IP6K1: variants seen among roughly 807,000 people sequenced by gnomAD.
IP6K1 encodes inositol hexakisphosphate kinase 1, also known as ATP:1D-myo-inositol-hexakisphosphate phosphotransferase.
In IP6K1, 13 loss-of-function variants were observed where a neutral mutation model predicts 38.3. The observed-to-expected ratio is 0.34, with a 90% CI of 0.22 to 0.54. The LOEUF (loss-of-function observed/expected upper bound fraction) is 0.54, where lower values mean the gene tolerates loss of function less well. Among genes scored for constraint, IP6K1 ranks in the 20% least tolerant of loss-of-function variants. IP6K1 has a pLI of 0.92. For synonymous variants in IP6K1, 212 were observed against 229.9 expected (o/e 0.92, Z 0.70); for missense variants, 397 against 599.8 (o/e 0.66, Z 3.53).
chr3:49,771,982 AGAGG>A (rs1186253538), intron 1 of IP6K1, among the ~76,000 whole-genome samples: 1 of 152,084 alleles, frequency 6.6e-6, no homozygotes, highest in African/African-American at 2.4e-5. Context: ...GCGAGGCCAA[AGAGG>A]GAGGATCGCT....
chr3:49,752,204 T>C (rs2080783194), intron 1 of IP6K1, among the ~76,000 whole-genome samples: 2 of 151,874 alleles, frequency 1.3e-5, no homozygotes, highest in South Asian at 4.2e-4. Context: ...AAAGACAGGG[T>C]TGGCCGGGTG....
intron 1 of IP6K1, among the ~76,000 whole-genome samples, chr3:49,774,407 CAAAAAAAAAAAAAAA>C (rs777187857): frequency 2.3e-5 from 1 of 44,302 alleles, no homozygotes; most frequent in South Asian, 1.3e-3. Context: ...GACTCCATCT[CAAAAAAAAAAAAAAA>C]AAAAAAAGAA....
chr3:49,763,468 G>T (rs1191315198), intron 1 of IP6K1, among the ~76,000 whole-genome samples: 1 of 152,040 alleles, frequency 6.6e-6, no homozygotes, highest in South Asian at 2.1e-4. Context: ...TAAGAAAAAA[G>T]ATTTTAGAAC....
At chr3:49,761,613 CA>C (rs71080551) in intron 1 of IP6K1, among the ~76,000 whole-genome samples, 45,489 of 91,882 alleles carry the variant, frequency 0.5, 7,708 homozygotes, top group African/African-American at 0.56. Flanking sequence ...GACTCCGTCT[CA>C]AAAAAAAAAA....
chr3:49,774,512 C>G (rs1164458002), intron 1 of IP6K1, among the ~76,000 whole-genome samples: 1 of 148,184 alleles, frequency 6.7e-6, no homozygotes, highest in East Asian at 2.0e-4. Context: ...TTATTACTAA[C>G]AAGACAAAAA....
intron 3 of IP6K1, 51 bp downstream of exon 3, chr3:49,738,161 T>G: frequency 2.8e-6 from 4 of 1,431,106 alleles, no homozygotes; most frequent in Non-Finnish European, 3.9e-6. Context: ...GTCAGGACTA[T>G]GGAGACGTCT....
chr3:49,756,655 T>C (rs1194280296), intron 1 of IP6K1, among the ~76,000 whole-genome samples: 2 of 151,670 alleles, frequency 1.3e-5, no homozygotes, highest in African/African-American at 4.8e-5. Flanking sequence ...CTGTCTCTAC[T>C]AATACAAAAA....
chr3:49,772,002 C>A (rs1392207167), intron 1 of IP6K1, among the ~76,000 whole-genome samples: 5 of 151,856 alleles, frequency 3.3e-5, no homozygotes, highest in African/African-American at 4.8e-5. Flanking sequence ...TCGCTTGAGC[C>A]CAAGAGTTTG....
chr3:49,731,887 C>CAAAAAAAAAAAAAATAAAAAAAAAAA, intron 4 of IP6K1, among the ~76,000 whole-genome samples: 1 of 65,342 alleles, frequency 1.5e-5, no homozygotes, highest in Non-Finnish European at 2.9e-5. Context: ...GACTCTGTCT[C>CAAAAAAAAAAAAAATAAAAAAAAAAA]AAAAAAAAAA....
At chr3:49,751,443 A>G (rs1283744405) in intron 1 of IP6K1, among the ~76,000 whole-genome samples, 2 of 151,652 alleles carry the variant, frequency 1.3e-5, no homozygotes, top group East Asian at 3.9e-4. Flanking sequence ...TACAGGCATG[A>G]GCCACCATGC....
At chr3:49,774,059 T>A (rs2080984422) in intron 1 of IP6K1, among the ~76,000 whole-genome samples, 1 of 151,554 alleles carries the variant, frequency 6.6e-6, no homozygotes, top group Non-Finnish European at 1.5e-5. Context: ...CCAAACCAAT[T>A]TTTTGTCCGA....
chr3:49,750,432 C>T (rs529666805), intron 1 of IP6K1, among the ~76,000 whole-genome samples: 2 of 152,112 alleles, frequency 1.3e-5, no homozygotes, highest in East Asian at 1.9e-4. Context: ...CAGTGGTTCA[C>T]GCCTATAATC....
intron 2 of IP6K1, among the ~76,000 whole-genome samples, chr3:49,743,469 TAGG>T (rs1296900149): frequency 6.6e-6 from 1 of 151,872 alleles, no homozygotes; most frequent in Non-Finnish European, 1.5e-5. Flanking sequence ...TCCTTGAGGC[TAGG>T]AGTTCAAAAC....
intron 1 of IP6K1, 118 bp from the exon 2 acceptor site, chr3:49,748,286 C>A (rs949810644): frequency 3.3e-5 from 18 of 539,022 alleles, no homozygotes; most frequent in Non-Finnish European, 5.7e-5. Context: ...GTATCCCTAG[C>A]ACGTACAATA....
chr3:49,784,720 G>C (rs980474332), intron 1 of IP6K1, among the ~76,000 whole-genome samples: 6 of 151,986 alleles, frequency 3.9e-5, no homozygotes, highest in Non-Finnish European at 7.4e-5. Context: ...GCGGAGGCGG[G>C]TTGATCATGA....
At chr3:49,753,518 T>C (rs751327091) in intron 1 of IP6K1, among the ~76,000 whole-genome samples, 3 of 152,180 alleles carry the variant, frequency 2.0e-5, no homozygotes, top group Non-Finnish European at 4.4e-5. Flanking sequence ...GTTTATTATT[T>C]ATGATGATGA....
chr3:49,764,113 TG>T (rs1181274120), intron 1 of IP6K1, among the ~76,000 whole-genome samples: 2 of 151,928 alleles, frequency 1.3e-5, no homozygotes, highest in African/African-American at 2.4e-5. Context: ...CTGGGTGCGG[TG>T]GCTCATGCCT....
At chr3:49,752,258 C>G (rs531946803) in intron 1 of IP6K1, among the ~76,000 whole-genome samples, 3 of 152,098 alleles carry the variant, frequency 2.0e-5, no homozygotes, top group African/African-American at 7.2e-5. Flanking sequence ...GAAGCCAAAG[C>G]GGGTGGATCA....
intron 1 of IP6K1, among the ~76,000 whole-genome samples, chr3:49,750,384 A>C (rs1430362582): frequency 6.6e-6 from 1 of 152,112 alleles, no homozygotes; most frequent in African/African-American, 2.4e-5. Flanking sequence ...GACCCAGAAG[A>C]ATGGTGCAGG....
Sources: gnomAD v4.1 joint callset for allele counts (sites outside exome capture counted in the v4.1 genomes callset) on GRCh38, gnomAD v4.1.1 for gene constraint, MANE v1.5 for transcripts, NCBI Gene and HGNC (gene_info 2026-07-23, HGNC 2026-07-21) for gene names.